RASGEF1C: variants seen among roughly 807,000 people sequenced by gnomAD.
RASGEF1C encodes the protein ras-GEF domain-containing family member 1C.
In RASGEF1C, 27 loss-of-function variants were observed where a neutral mutation model predicts 58.1. That is an observed-to-expected ratio of 0.46 (90% CI 0.34 to 0.64). The LOEUF is 0.64. Among genes scored for constraint, RASGEF1C ranks in the 30% least tolerant of loss-of-function variants. The pLI, the probability that RASGEF1C is intolerant of heterozygous loss-of-function variation, is 0.01. For synonymous variants in RASGEF1C, 243 were observed against 246.3 expected (o/e 0.99, Z 0.13); for missense variants, 502 against 605.1 (o/e 0.83, Z 1.79).
At chr5:180,115,280 GCCT>G (rs1766045781) in intron 10 of RASGEF1C, 2 of 432,698 alleles carry the variant, frequency 4.6e-6, no homozygotes, top group African/African-American at 2.3e-5. Context: ...TCCCAAGGTG[GCCT>G]CCTTTTTAAA....
intron 1 of RASGEF1C, among the ~76,000 whole-genome samples, chr5:180,179,402 G>A (rs991819064): frequency 6.6e-6 from 1 of 152,120 alleles, no homozygotes; most frequent in African/African-American, 2.4e-5. Flanking sequence ...GAGAAGGGCC[G>A]ATGGATGGGC....
At chr5:180,119,642 G>A (rs1258750002) in intron 7 of RASGEF1C, among the ~76,000 whole-genome samples, 194 bp from the exon 8 acceptor site, 1 of 152,170 alleles carries the variant, frequency 6.6e-6, no homozygotes, top group East Asian at 1.9e-4. Context: ...AGAGGGCTAG[G>A]TGGGCCCGGT....
Position 180,121,637 on chromosome 5 carries a change from T to TCACACACACACA in RASGEF1C, c.715-500_715-489dup, listed in dbSNP as rs762495633. Among the ~76,000 whole-genome samples the TCACACACACACA allele has an allele frequency of 4.7e-3, 529 of 113,316 alleles. 2 individuals carry two copies. Among genetic ancestry groups the TCACACACACACA allele is most frequent in the Admixed American group, 0.016 (157 of 10,030 alleles). The allele number at this position is 113,316 out of a possible 152,430, so 74.3% of individuals were successfully genotyped here. A position where few individuals can be genotyped will look rare whatever the true frequency, so the allele number is the denominator to read the frequency against. Reference sequence around the variant, plus strand: ...TAAAAATACATTTTAAAATGTAACTTCACACACACACACACACACACACAC... The same window carrying TCACACACACACA: ...TAAAAATACATTTTAAAATGTAACTTCACACACACACACACACACACACACACACACACACAC... On this transcript the variant is annotated intron_variant, in intron 6 of 13. Transcript: ENST00000361132.
chr5:180,203,989 T>C (rs1756446063), intron 1 of RASGEF1C, among the ~76,000 whole-genome samples: 1 of 101,726 alleles, frequency 9.8e-6, no homozygotes, highest in African/African-American at 3.8e-5. Flanking sequence ...TGAGACTCTG[T>C]CTCAAAAAAC....
intron 1 of RASGEF1C, among the ~76,000 whole-genome samples, chr5:180,207,766 C>A (rs545157771): frequency 2.5e-4 from 38 of 152,316 alleles, no homozygotes; most frequent in African/African-American, 9.1e-4. Context: ...GCTCCGCCCC[C>A]TCCTGCCCTC....
At chr5:180,173,688 G>C (rs578120500) in intron 1 of RASGEF1C, among the ~76,000 whole-genome samples, 19 of 152,278 alleles carry the variant, frequency 1.2e-4, no homozygotes, top group African/African-American at 3.9e-4. Context: ...GCCAAGGTGG[G>C]CAGATCACAA....
chr5:180,194,259 G>A (rs996559147), intron 1 of RASGEF1C, among the ~76,000 whole-genome samples: 2 of 152,192 alleles, frequency 1.3e-5, no homozygotes, highest in Non-Finnish European at 2.9e-5. Flanking sequence ...TATATGAAAT[G>A]CGCATCTGTC....
chr5:180,174,855 A>AG (rs1028315045), intron 1 of RASGEF1C, among the ~76,000 whole-genome samples: 6 of 152,204 alleles, frequency 3.9e-5, no homozygotes, highest in African/African-American at 7.2e-5. Flanking sequence ...GCTCAGAGAG[A>AG]GGGGCCGACC....
Position 180,177,831 on chromosome 5 carries a change from G to T in RASGEF1C, c.-7+31197C>A, listed in dbSNP as rs1019057137. On this transcript the variant is annotated intron_variant, in intron 1 of 13. Coordinates refer to ENST00000361132, the MANE Select transcript of RASGEF1C (RefSeq NM_175062.4). This position sits in a 1 kb window ranked among gnomAD's most constrained non-coding sequence, Gnocchi z 5.0. ...AGCCTCTCTCTCTGCTCAGGGCAAG[G>T]TAAGGACAGGAAGTAAGTATGGAGC... 2.6e-5 allele frequency among the ~76,000 whole-genome samples: 4 copies of T among 152,140 alleles called. No individual in the cohort carries two copies. The highest frequency in any genetic ancestry group is 9.7e-5 in the African/African-American group (4 of 41,440).
intron 1 of RASGEF1C, among the ~76,000 whole-genome samples, chr5:180,190,505 AAAATAAT>A (rs1457845845): frequency 6.0e-5 from 6 of 99,518 alleles, no homozygotes; most frequent in South Asian, 3.8e-4. Context: ...AAAAAAAAAA[AAAATAAT>A]AATAATAATA....
chr5:180,196,057 A>G (rs1400654053), intron 1 of RASGEF1C, among the ~76,000 whole-genome samples: 8 of 152,194 alleles, frequency 5.3e-5, no homozygotes, highest in Non-Finnish European at 1.2e-4. Context: ...CATACTTACC[A>G]TTTTTTTGTC....
chr5:180,184,379 A>G (rs1190180740), intron 1 of RASGEF1C, among the ~76,000 whole-genome samples: 1 of 152,132 alleles, frequency 6.6e-6, no homozygotes, highest in Admixed American at 6.5e-5. Flanking sequence ...GTTTGAGACC[A>G]GCCTGACCAA....
intron 1 of RASGEF1C, among the ~76,000 whole-genome samples, chr5:180,159,405 G>A (rs908695078): frequency 1.3e-5 from 2 of 152,166 alleles, no homozygotes; most frequent in African/African-American, 4.8e-5. Context: ...CTCCCAAAGC[G>A]CTGGGATTAC....
intron 4 of RASGEF1C, among the ~76,000 whole-genome samples, chr5:180,133,117 C>G (rs1023973680): frequency 1.3e-5 from 2 of 152,148 alleles, no homozygotes; most frequent in Non-Finnish European, 2.9e-5. Context: ...GCACTGGCCT[C>G]CCTGAGCTCT....
chr5:180,118,767 A>T lies in RASGEF1C; in HGVS notation c.987+20T>A. Reference sequence around the variant, plus strand: ...CAGGGGATGGCCGGAGGCACCCGGCAGCCCAGCAGCCTCATTTACCTCGAG... The same window carrying T: ...CAGGGGATGGCCGGAGGCACCCGGCTGCCCAGCAGCCTCATTTACCTCGAG... On this transcript the variant is annotated intron_variant, in intron 9 of 13. Coordinates refer to ENST00000361132, the MANE Select transcript of RASGEF1C (RefSeq NM_175062.4). 1 of 1,614,110 alleles carries T rather than the reference A, an allele frequency of 6.2e-7. No homozygotes were observed. Among genetic ancestry groups the T allele is most frequent in the Non-Finnish European group, 8.5e-7 (1 of 1,179,910 alleles).
chr5:180,117,459 A>G (rs1432341973), intron 10 of RASGEF1C, among the ~76,000 whole-genome samples: 1 of 152,202 alleles, frequency 6.6e-6, no homozygotes, highest in Non-Finnish European at 1.5e-5. Flanking sequence ...CACAGCAGGG[A>G]CCTGATCCCA....
chr5:180,125,777 A>C (rs1582269048), intron 6 of RASGEF1C, among the ~76,000 whole-genome samples: 1 of 150,690 alleles, frequency 6.6e-6, no homozygotes, highest in East Asian at 1.9e-4. Context: ...AGTGAGTGAG[A>C]CTCCATCTCA....
At chr5:180,173,160 T>C (rs1490925272) in intron 1 of RASGEF1C, among the ~76,000 whole-genome samples, 1 of 152,256 alleles carries the variant, frequency 6.6e-6, no homozygotes, top group Non-Finnish European at 1.5e-5. Flanking sequence ...TTACTGGCCT[T>C]ATTTACACAC....
At chr5:180,113,838 C>T (rs936480611) in intron 11 of RASGEF1C, among the ~76,000 whole-genome samples, 3 of 151,816 alleles carry the variant, frequency 2.0e-5, no homozygotes, top group Admixed American at 2.0e-4. Flanking sequence ...ATGGAGGGAC[C>T]GAGGATGGAT....
Sources: gnomAD v4.1 joint callset for allele counts (sites outside exome capture counted in the v4.1 genomes callset) on GRCh38, gnomAD v4.1.1 for gene constraint, Gnocchi (gnomAD v3.1) non-coding constraint, MANE v1.5 for transcripts, NCBI Gene and HGNC (gene_info 2026-07-23, HGNC 2026-07-21) for gene names.